PSMB7: variants seen among roughly 807,000 people sequenced by gnomAD.
PSMB7 encodes the protein proteasome 20S subunit beta 7.
In PSMB7, 5 loss-of-function variants were observed where a neutral mutation model predicts 28.1. The observed-to-expected ratio is 0.18, with a 90% CI of 0.09 to 0.37. The LOEUF (loss-of-function observed/expected upper bound fraction) is 0.37. Among genes scored for constraint, PSMB7 ranks in the 10% least tolerant of loss-of-function variants. PSMB7 has a pLI of 1.00. For missense variants in PSMB7, 275 were observed against 346.2 expected (o/e 0.79, Z 1.63); for synonymous variants, 122 against 123.7 (o/e 0.99, Z 0.09).
intron 5 of PSMB7, among the ~76,000 whole-genome samples, chr9:124,390,429 T>A (rs1037425355): frequency 6.6e-6 from 1 of 151,606 alleles, no homozygotes; most frequent in East Asian, 1.9e-4. Context: ...AAAAAAAAAA[T>A]ACCTGGAAGT....
At chr9:124,358,866 C>T (rs1182216034) in intron 6 of PSMB7, among the ~76,000 whole-genome samples, 1 of 152,240 alleles carries the variant, frequency 6.6e-6, no homozygotes, top group Non-Finnish European at 1.5e-5. Flanking sequence ...CTGCGGGCAG[C>T]GCTTAGGACT....
rs550318473 is a variant in PSMB7 at position 124,375,406 on chromosome 9, C to T, written c.570+9192G>A. Among the ~76,000 whole-genome samples the T allele has an allele frequency of 1.1e-4, 17 of 152,278 alleles. 4 individuals carry two copies. Among genetic ancestry groups the T allele is most frequent in the South Asian group, 2.1e-4 (1 of 4,822 alleles). ...CTCAAACTCCTGAACTCAACCGATC[C>T]GCCCGTCTTGGCCTCCCAGCATGCT... On this transcript the variant is annotated intron_variant, in intron 6 of 7. Transcript: ENST00000259457.
chr9:124,414,083 T>C, intron 2 of PSMB7, 78 bp from the exon 3 acceptor site: 2 of 913,090 alleles, frequency 2.2e-6, no homozygotes, highest in Admixed American at 4.4e-5. Flanking sequence ...TAGGGAATAC[T>C]ATGTTGGCCA....
In PSMB7 at chr9:124,414,622, A is replaced by G. The variant is rs114348198; in HGVS notation, c.156+220T>C. ...CTAACTGACCTGTTTAAAAAAAAAA[A>G]AAAGAAAGAAAGAAAAAACCTCAGC... On this transcript the variant is annotated intron_variant, in intron 2 of 7. Transcript: ENST00000259457. 2.0e-3 allele frequency among the ~76,000 whole-genome samples: 297 copies of G among 151,750 alleles called. 2 individuals carry two copies. Among genetic ancestry groups the G allele is most frequent in the Middle Eastern group, 6.8e-3 (2 of 292 alleles).
chr9:124,409,882 G>C (rs775655230), intron 4 of PSMB7, among the ~76,000 whole-genome samples: 14 of 152,034 alleles, frequency 9.2e-5, no homozygotes, highest in Non-Finnish European at 1.8e-4. Context: ...AAAATGTTAA[G>C]AGGACATAAA....
In PSMB7 at chr9:124,373,575, A is replaced by G. The variant is rs572715193; in HGVS notation, c.570+11023T>C. On this transcript the variant is annotated intron_variant, in intron 6 of 7. Coordinates refer to ENST00000259457, the MANE Select transcript of PSMB7 (RefSeq NM_002799.4). ...CCCAATTACGGCACAAATCCAGTGTATAAAGGAAGCACGTCAAATGTTTCA... is the reference window on the plus strand; with the variant it reads ...CCCAATTACGGCACAAATCCAGTGTGTAAAGGAAGCACGTCAAATGTTTCA... Among the ~76,000 whole-genome samples, 6 of 152,360 alleles carry G rather than the reference A, an allele frequency of 3.9e-5. No homozygotes were observed. In the South Asian group the frequency reaches 1.2e-3, roughly 32 times the overall value.
At chr9:124,392,836 A>C (rs989394594) in intron 5 of PSMB7, among the ~76,000 whole-genome samples, 1 of 152,214 alleles carries the variant, frequency 6.6e-6, no homozygotes, top group Non-Finnish European at 1.5e-5. Context: ...CCTTCTGCTA[A>C]AGAGCGGTCC....
intron 7 of PSMB7, among the ~76,000 whole-genome samples, chr9:124,354,128 G>GT (rs1274414670): frequency 6.6e-6 from 1 of 152,002 alleles, no homozygotes; most frequent in African/African-American, 2.4e-5. Flanking sequence ...TGACTTAACT[G>GT]TTACCTTAGA....
chr9:124,386,502 C>T (rs1335222312), intron 5 of PSMB7, among the ~76,000 whole-genome samples: 2 of 152,178 alleles, frequency 1.3e-5, no homozygotes, highest in Non-Finnish European at 2.9e-5. Context: ...CTGCCATGAA[C>T]GAACGAGGCA....
intron 3 of PSMB7, among the ~76,000 whole-genome samples, chr9:124,413,034 G>A (rs950417397): frequency 6.6e-6 from 1 of 151,472 alleles, no homozygotes; most frequent in African/African-American, 2.4e-5. Flanking sequence ...AAAGGTTTCA[G>A]GCTGGGCATG....
At chr9:124,368,076 TG>T (rs1389651646) in intron 6 of PSMB7, among the ~76,000 whole-genome samples, 11 of 152,254 alleles carry the variant, frequency 7.2e-5, no homozygotes, top group African/African-American at 2.7e-4. Flanking sequence ...CGGTGAGAAG[TG>T]TAAGTACCAC....
At chr9:124,371,895 CT>C (rs1379107153) in intron 6 of PSMB7, among the ~76,000 whole-genome samples, 1 of 152,198 alleles carries the variant, frequency 6.6e-6, no homozygotes, top group Non-Finnish European at 1.5e-5. Flanking sequence ...GCTTGCTGGA[CT>C]TTTGCCACAG....
At chr9:124,379,288 G>A (rs538185588) in intron 6 of PSMB7, among the ~76,000 whole-genome samples, 1 of 151,748 alleles carries the variant, frequency 6.6e-6, no homozygotes, top group East Asian at 2.0e-4. Flanking sequence ...GAATCACTAA[G>A]TAAAGTTGTG....
intron 6 of PSMB7, among the ~76,000 whole-genome samples, chr9:124,369,887 A>G (rs1208914397): frequency 2.0e-5 from 3 of 152,118 alleles, no homozygotes; most frequent in Non-Finnish European, 2.9e-5. Context: ...CCGTACCCCT[A>G]CTGCCCACTG....
At chr9:124,367,209 G>C (rs188622993) in intron 6 of PSMB7, among the ~76,000 whole-genome samples, 1 of 152,296 alleles carries the variant, frequency 6.6e-6, no homozygotes, top group East Asian at 1.9e-4. Context: ...GAAAGTGCAG[G>C]ATGGAAAGAT....
chr9:124,360,140 T>G (rs888557457), intron 6 of PSMB7, among the ~76,000 whole-genome samples: 2 of 152,264 alleles, frequency 1.3e-5, no homozygotes, highest in Non-Finnish European at 2.9e-5. Context: ...ATTCATACTG[T>G]GTTTTCTTTA....
Position 124,353,494 on chromosome 9 carries a change from A to T in PSMB7, c.*104T>A. ...CTGCCCAATTTGGTTTTTGTTTTTTATTGAGTTGAGTTTCATTCGGCAAAC... is the reference window on the plus strand; with the variant it reads ...CTGCCCAATTTGGTTTTTGTTTTTTTTTGAGTTGAGTTTCATTCGGCAAAC... On this transcript the variant is annotated 3_prime_UTR_variant, in exon 8 of 8. Coordinates refer to ENST00000259457, the MANE Select transcript of PSMB7 (RefSeq NM_002799.4). The T allele has an allele frequency of 1.1e-6, 1 of 922,542 alleles. No individual in the cohort carries two copies. Among genetic ancestry groups the T allele is most frequent in the South Asian group, 1.4e-5 (1 of 69,360 alleles). 57.1% of individuals were successfully genotyped at this position (922,542 alleles called of 1,614,324 possible).
intron 7 of PSMB7, among the ~76,000 whole-genome samples, chr9:124,354,075 C>T (rs568602107): frequency 2.6e-5 from 4 of 152,326 alleles, no homozygotes; most frequent in South Asian, 2.1e-4. Flanking sequence ...CCCATCATTA[C>T]ACAAGAGAAG....
chr9:124,390,496 A>G (rs1165035314), intron 5 of PSMB7, among the ~76,000 whole-genome samples: 2 of 152,198 alleles, frequency 1.3e-5, no homozygotes, highest in African/African-American at 4.8e-5. Flanking sequence ...AATACTATAC[A>G]CACAGACATT....
Sources: gnomAD v4.1 joint callset for allele counts (sites outside exome capture counted in the v4.1 genomes callset) on GRCh38, gnomAD v4.1.1 for gene constraint, MANE v1.5 for transcripts, NCBI Gene and HGNC (gene_info 2026-07-23, HGNC 2026-07-21) for gene names.